Variants in ACER1 observed in about 807,000 individuals in gnomAD.
ACER1 encodes the protein CTB-180A7.3.
A neutral mutation model predicts 24.9 loss-of-function variants in ACER1; 28 were observed. That is an observed-to-expected ratio of 1.13 (90% CI 0.83 to 1.54). The LOEUF is 1.54. Ranked by LOEUF, ACER1 falls within the 40% of genes most tolerant of loss-of-function variation. The pLI is 0.00. For missense variants in ACER1, 352 were observed against 349.3 expected, an observed-to-expected ratio of 1.01 and a Z score of -0.06; for synonymous variants, 132 against 131.4, an observed-to-expected ratio of 1.00 and a Z score of -0.03.
At chr19:6,324,860 AAAGGAAGGAAGGAAGG>A (rs775468275) in intron 1 of ACER1, among the ~76,000 whole-genome samples, 1,279 of 100,324 alleles carry the variant, frequency 0.013, 23 homozygotes, top group African/African-American at 0.044. Context: ...AGAGAGAGAG[AAAGGAAGGAAGGAAGG>A]AAGGAAGGAA....
At chr19:6,340,801 G>T in the ACER1 span, among the ~76,000 whole-genome samples, 6 of 151,916 alleles carry the variant, frequency 3.9e-5, no homozygotes, top group African/African-American at 1.5e-4. Context: ...CTCTTCCCCC[G>T]CTAGGGGGAG....
Position 6,307,220 on chromosome 19 carries a change from A to C in ACER1, c.559T>G (p.Trp187Gly). ...CTGCAAAGCAGACGGTCACTGATCC[A>C]GCTGGTCAGAGCAACAGCCCATAAA... ...VVLWAVALTSWISDRLLCSFW... is the reference protein window; with the variant it reads ...VVLWAVALTSGISDRLLCSFW... Residue 187 changes from tryptophan to glycine, a missense_variant, in exon 5 of 6, where the codon TGG becomes GGG. By Grantham distance (184) the Trp-to-Gly change is radical (BLOSUM62 -2). Coordinates refer to ENST00000301452, the MANE Select transcript of ACER1 (RefSeq NM_133492.3). 1 of 1,614,174 alleles carries C rather than the reference A, an allele frequency of 6.2e-7. No homozygotes were observed. The highest frequency in any genetic ancestry group is 8.5e-7 in the Non-Finnish European group (1 of 1,180,034).
the ACER1 span, among the ~76,000 whole-genome samples, chr19:6,356,205 G>T: frequency 6.7e-6 from 1 of 150,134 alleles, no homozygotes; most frequent in Non-Finnish European, 1.5e-5. Flanking sequence ...CATGTGCTGT[G>T]TCCACTCAGG....
chr19:6,349,695 A>G, the ACER1 span, among the ~76,000 whole-genome samples: 2 of 152,128 alleles, frequency 1.3e-5, no homozygotes, highest in African/African-American at 4.8e-5. Context: ...TGCCTCACCC[A>G]GTCACTGGCT....
chr19:6,357,906 A>G, the ACER1 span, among the ~76,000 whole-genome samples: 36 of 152,286 alleles, frequency 2.4e-4, 1 homozygote, highest in Middle Eastern at 3.4e-3. Flanking sequence ...AGCAGTTGCA[A>G]TGGGGAGAAG....
chr19:6,323,060 G>A (rs558482614), intron 1 of ACER1, among the ~76,000 whole-genome samples: 11 of 152,068 alleles, frequency 7.2e-5, no homozygotes, highest in South Asian at 4.2e-4. Context: ...TTCGGTGAAC[G>A]GAGATCACGC....
At chr19:6,325,421 G>A (rs2091656333) in intron 1 of ACER1, among the ~76,000 whole-genome samples, 1 of 152,196 alleles carries the variant, frequency 6.6e-6, no homozygotes, top group South Asian at 2.1e-4. Context: ...GGGAGGCTGA[G>A]GTGGGTGGAT....
At chr19:6,344,990 C>T in the ACER1 span, among the ~76,000 whole-genome samples, 1 of 151,800 alleles carries the variant, frequency 6.6e-6, no homozygotes, top group East Asian at 1.9e-4. Flanking sequence ...CTCAGCCTTC[C>T]AAGTATCTGG....
chr19:6,342,256 TTC>T, the ACER1 span, among the ~76,000 whole-genome samples: 7 of 111,386 alleles, frequency 6.3e-5, no homozygotes, highest in Non-Finnish European at 1.0e-4. Context: ...AGTATCCTAG[TTC>T]TTTTTTTTTT....
intron 1 of ACER1, among the ~76,000 whole-genome samples, chr19:6,323,004 CA>C (rs1212960271): frequency 6.6e-6 from 1 of 151,992 alleles, no homozygotes; most frequent in Non-Finnish European, 1.5e-5. Context: ...CCCAGCTACT[CA>C]GGAGGCTGAG....
upstream of ACER1, among the ~76,000 whole-genome samples, chr19:6,338,530 G>A (rs1050144005): frequency 7.2e-5 from 11 of 152,084 alleles, no homozygotes; most frequent in Non-Finnish European, 1.5e-4. Context: ...ACTGGATGAA[G>A]ATTACCTGGG....
chr19:6,311,636 GAAGA>G (rs2091581851), intron 3 of ACER1, among the ~76,000 whole-genome samples: 1 of 149,292 alleles, frequency 6.7e-6, no homozygotes, highest in Non-Finnish European at 1.5e-5. Flanking sequence ...AGGAGGAGAA[GAAGA>G]AGAAGAAGGA....
intron 1 of ACER1, among the ~76,000 whole-genome samples, chr19:6,320,775 C>A (rs764467642): frequency 6.6e-6 from 1 of 152,088 alleles, no homozygotes; most frequent in Non-Finnish European, 1.5e-5. Context: ...CCTCTCTGAG[C>A]CTTGATTTCC....
At chr19:6,319,466 A>G (rs1047433334) in intron 1 of ACER1, among the ~76,000 whole-genome samples, 1 of 152,164 alleles carries the variant, frequency 6.6e-6, no homozygotes, top group South Asian at 2.1e-4. Context: ...TCTTGGTCCC[A>G]GCTCCAGCAG....
chr19:6,332,644 G>A (rs1032900737), intron 1 of ACER1, among the ~76,000 whole-genome samples: 13 of 151,808 alleles, frequency 8.6e-5, no homozygotes, highest in African/African-American at 3.1e-4. Flanking sequence ...AGAATGTCCA[G>A]AACTGAGGAG....
upstream of ACER1, among the ~76,000 whole-genome samples, chr19:6,337,661 CTTTTTTTTT>C (rs1192304687): frequency 6.6e-4 from 17 of 25,936 alleles, no homozygotes; most frequent in South Asian, 3.8e-3. Flanking sequence ...TTCTTTCTTT[CTTTTTTTTT>C]TTTTTTTTTT....
intron 1 of ACER1, among the ~76,000 whole-genome samples, chr19:6,330,470 A>C (rs1194592169): frequency 6.7e-6 from 1 of 150,202 alleles, no homozygotes; most frequent in Non-Finnish European, 1.5e-5. Context: ...TGCCCAGCCC[A>C]CAGCTAGTTT....
the ACER1 span, among the ~76,000 whole-genome samples, chr19:6,341,893 T>C: frequency 6.6e-6 from 1 of 152,300 alleles, no homozygotes. Flanking sequence ...CCTCCCAAAG[T>C]GCTAGGATTA....
At chr19:6,344,188 G>A in the ACER1 span, among the ~76,000 whole-genome samples, 8,582 of 151,980 alleles carry the variant, frequency 0.056, 406 homozygotes, top group African/African-American at 0.13. Flanking sequence ...AGAATGGCCC[G>A]AACCCAGGAG....
Sources: gnomAD v4.1 joint callset for allele counts (sites outside exome capture counted in the v4.1 genomes callset) on GRCh38, gnomAD v4.1.1 for gene constraint, MANE v1.5 for transcripts, NCBI Gene and HGNC (gene_info 2026-07-23, HGNC 2026-07-21) for gene names.